The following QKI variants were observed in gnomAD, a reference collection of about 807,000 sequenced individuals.
QKI encodes the protein KH domain-containing RNA-binding protein QKI.
In QKI, 10 loss-of-function variants were observed where a neutral mutation model predicts 39.0. The observed-to-expected ratio is 0.26, with a 90% CI of 0.16 to 0.43. QKI has a LOEUF of 0.43. QKI is among the 20% of genes least tolerant of loss of function. QKI has a pLI of 1.00. For missense variants in QKI, 218 were observed against 428.0 expected (o/e 0.51, Z 4.33); for synonymous variants, 204 against 155.4 (o/e 1.31, Z -2.33).
chr6:163,552,693 A>C (rs1436610580), intron 4 of QKI, among the ~76,000 whole-genome samples: 4 of 152,136 alleles, frequency 2.6e-5, no homozygotes, highest in Non-Finnish European at 5.9e-5. Context: ...TTTCTAGAGA[A>C]GGAATCTATA....
intron 2 of QKI, among the ~76,000 whole-genome samples, chr6:163,459,837 A>G (rs1407688928): frequency 2.0e-5 from 3 of 152,228 alleles, no homozygotes; most frequent in Non-Finnish European, 2.9e-5. Context: ...GCATTCATGA[A>G]ACTACAGACA....
At chr6:163,532,605 T>G (rs746116002) in intron 3 of QKI, among the ~76,000 whole-genome samples, 1 of 152,232 alleles carries the variant, frequency 6.6e-6, no homozygotes, top group Non-Finnish European at 1.5e-5. Context: ...TTCCTACCAC[T>G]GAGGCAAGAC....
intron 4 of QKI, among the ~76,000 whole-genome samples, chr6:163,541,084 T>A (rs1015970347): frequency 3.9e-5 from 6 of 152,086 alleles, no homozygotes; most frequent in Non-Finnish European, 7.4e-5. Context: ...CTGTCTTTTG[T>A]ACTTCTGAGA....
intron 6 of QKI, chr6:163,565,312 C>T (rs1404879402): frequency 4.1e-6 from 4 of 986,326 alleles, no homozygotes; most frequent in Admixed American, 1.2e-4. Flanking sequence ...CATCTGTTCC[C>T]GAGGAGTTAT....
intron 3 of QKI, among the ~76,000 whole-genome samples, chr6:163,500,458 C>T (rs1249980023): frequency 1.3e-5 from 2 of 152,102 alleles, no homozygotes; most frequent in Admixed American, 1.3e-4. Flanking sequence ...ATTTCCAAAG[C>T]ACTTGTTCTC....
At chr6:163,539,407 T>G (rs1001450987) in intron 4 of QKI, among the ~76,000 whole-genome samples, 1 of 152,188 alleles carries the variant, frequency 6.6e-6, no homozygotes, top group East Asian at 1.9e-4. Context: ...TTTTTCCCTC[T>G]TCAAGATTTT....
At chr6:163,530,401 C>A (rs533192875) in intron 3 of QKI, among the ~76,000 whole-genome samples, 97 of 152,300 alleles carry the variant, frequency 6.4e-4, no homozygotes, top group Non-Finnish European at 1.2e-3. Context: ...CCTATAATTG[C>A]ATCTATCCTT....
intron 3 of QKI, among the ~76,000 whole-genome samples, chr6:163,531,921 A>C (rs1349724382): frequency 6.6e-6 from 1 of 151,612 alleles, no homozygotes; most frequent in African/African-American, 2.4e-5. Context: ...AATTGTTTTT[A>C]AAAGTGTAAG....
chr6:163,504,240 A>G (rs1170247305), intron 3 of QKI, among the ~76,000 whole-genome samples: 1 of 152,140 alleles, frequency 6.6e-6, no homozygotes, highest in Non-Finnish European at 1.5e-5. Context: ...TACCAGTACC[A>G]TAATGTTTTG....
intron 6 of QKI, chr6:163,564,005 C>A (rs1783195436): frequency 8.1e-7 from 1 of 1,231,762 alleles, no homozygotes; most frequent in Admixed American, 3.9e-5. Flanking sequence ...TTACTGAGGT[C>A]ATTCTGAGTT....
Position 163,574,786 on chromosome 6 carries a change from A to T in QKI, c.*4076A>T, listed in dbSNP as rs1009369218. ...AGTTCTCCTAGATACCAAAATCCTC[A>T]GGATGAATTTTTGCATTTGTAAATA... is the stretch of plus-strand genomic sequence containing the variant. On this transcript the variant is annotated 3_prime_UTR_variant, in exon 8 of 8. Coordinates refer to ENST00000361752, the MANE Select transcript of QKI (RefSeq NM_006775.3). The T allele has an allele frequency of 6.6e-6, 1 of 152,206 alleles. No homozygotes were observed. The highest frequency in any genetic ancestry group is 2.4e-5 in the African/African-American group (1 of 41,458). 9.4% of individuals were successfully genotyped at this position (152,206 alleles called of 1,614,324 possible).
chr6:163,466,226 A>G lies in QKI; in HGVS notation c.285+10805A>G, dbSNP rs6455899. Among the ~76,000 whole-genome samples the G allele has an allele frequency of 3.4e-3, 515 of 152,286 alleles. 3 individuals are homozygous for G. Among genetic ancestry groups the G allele is most frequent in the African/African-American group, 0.012 (484 of 41,562 alleles). ...AGGTAAAAGATGCCTGCTCGCTGAA[A>G]AGTATAACACTGATCAAATAAATTA... is the stretch of plus-strand genomic sequence containing the variant. On this transcript the variant is annotated intron_variant, in intron 2 of 7. Transcript: ENST00000361752.
chr6:163,470,754 T>C (rs2128223163), intron 2 of QKI, among the ~76,000 whole-genome samples: 1 of 152,154 alleles, frequency 6.6e-6, no homozygotes, highest in East Asian at 1.9e-4. Flanking sequence ...TATTAACAGG[T>C]GGGTTTAACA....
chr6:163,556,503 C>CAAAAAAAAAAAAAAAAAAAACAAA (rs1782625158), intron 4 of QKI, among the ~76,000 whole-genome samples: 1 of 83,086 alleles, frequency 1.2e-5, no homozygotes, highest in Non-Finnish European at 2.5e-5. Flanking sequence ...AATTCCACCT[C>CAAAAAAAAAAAAAAAAAAAACAAA]AAAAAAAAAA....
At position 163,563,487 on chromosome 6, in the gene QKI, G is replaced by C. The variant is rs761669902; in HGVS notation, c.702G>C (p.Pro234=). Residue 234 remains proline (P), a synonymous_variant, in exon 6 of 8, where the codon CCG becomes CCC. Transcript: ENST00000361752. ...AAPRIITGPA[P]VLPPAALRTP... ...CAAGGATCATTACTGGGCCTGCGCC[G>C]GTTCTCCCACCAGCTGCCCTGCGTA... The C allele has an allele frequency of 3.7e-6, 6 of 1,614,054 alleles. No individual in the cohort carries two copies. The highest frequency in any genetic ancestry group is 5.1e-6 in the Non-Finnish European group (6 of 1,179,996).
intron 4 of QKI, among the ~76,000 whole-genome samples, chr6:163,535,399 C>T (rs1054457953): frequency 1.3e-5 from 2 of 152,076 alleles, no homozygotes; most frequent in Admixed American, 6.6e-5. Flanking sequence ...CCTTCCTTCC[C>T]GGTTTCTCTT....
At chr6:163,553,556 A>C (rs757815823) in intron 4 of QKI, among the ~76,000 whole-genome samples, 1 of 152,050 alleles carries the variant, frequency 6.6e-6, no homozygotes. Context: ...TTAATCTATA[A>C]ATTGATGTGG....
chr6:163,427,243 C>CTTT lies in QKI; in HGVS notation c.142+11928_142+11930dup, dbSNP rs11375326. ...GTTACTGTTAATTTTATACTCGTAC[C>CTTT]TTTTTTTTTTTTTTTTTTTTTTGCT... On this transcript the variant is annotated intron_variant, in intron 1 of 7. Coordinates refer to ENST00000361752, the MANE Select transcript of QKI (RefSeq NM_006775.3). Among the ~76,000 whole-genome samples the CTTT allele has an allele frequency of 2.6e-3, 219 of 85,776 alleles. 2 individuals are homozygous for CTTT. Among genetic ancestry groups the CTTT allele is most frequent in the African/African-American group, 3.8e-3 (83 of 21,702 alleles). The allele number at this position is 85,776 out of a possible 152,430, so 56.3% of individuals were successfully genotyped here.
intron 7 of QKI, chr6:163,568,967 A>G (rs1258525912): frequency 1.0e-6 from 1 of 986,028 alleles, no homozygotes; most frequent in Non-Finnish European, 1.2e-6. Flanking sequence ...CTTCGTTTAT[A>G]TATTCCACAC....
Sources: gnomAD v4.1 joint callset for allele counts (sites outside exome capture counted in the v4.1 genomes callset) on GRCh38, gnomAD v4.1.1 for gene constraint, MANE v1.5 for transcripts, NCBI Gene and HGNC (gene_info 2026-07-23, HGNC 2026-07-21) for gene names.